TLE1: variants seen among roughly 807,000 people sequenced by gnomAD.
TLE1 encodes TLE family member 1, transcriptional corepressor.
A neutral mutation model predicts 89.8 loss-of-function variants in TLE1; 21 were observed. The observed-to-expected ratio is 0.23, with a 90% CI of 0.17 to 0.34. The LOEUF is 0.34. Ranked by LOEUF, TLE1 falls within the 10% of genes least tolerant of loss-of-function variation. The pLI, the probability that TLE1 is intolerant of heterozygous loss-of-function variation, is 1.00. For synonymous variants in TLE1, 447 were observed against 407.6 expected (o/e 1.10, Z -1.16); for missense variants, 795 against 1,031.2 (o/e 0.77, Z 3.14).
At position 81,653,847 on chromosome 9, in the gene TLE1, A is replaced by C. The variant is rs1278932982; in HGVS notation, c.297+127T>G. The C allele has an allele frequency of 3.8e-6, 3 of 797,450 alleles. No individual in the cohort carries two copies. In the African/African-American group the frequency reaches 5.1e-5, roughly 14 times the overall value. 49.4% of individuals were successfully genotyped at this position (797,450 alleles called of 1,614,324 possible). Reference sequence around the variant, plus strand: ...TTGGATAGACTAGCAGGGGGTTTACACACTTCAGCTGTAACAGATGTTCTT... The same window carrying C: ...TTGGATAGACTAGCAGGGGGTTTACCCACTTCAGCTGTAACAGATGTTCTT... On this transcript the variant is annotated intron_variant, in intron 5 of 19. Transcript: ENST00000376499.
chr9:81,671,800 T>C (rs186684113), intron 4 of TLE1, among the ~76,000 whole-genome samples: 202 of 152,326 alleles, frequency 1.3e-3, no homozygotes, highest in African/African-American at 4.2e-3. Flanking sequence ...AAGATTCAAA[T>C]GTCAGCAGTT....
chr9:81,630,846 A>C lies in TLE1; in HGVS notation c.594+2502T>G, dbSNP rs908909192. Among the ~76,000 whole-genome samples, 4 of 152,328 alleles carry C rather than the reference A, an allele frequency of 2.6e-5. 1 individual carries two copies. The highest frequency in any genetic ancestry group is 9.6e-5 in the African/African-American group (4 of 41,578). ...ATACTCATTTTTATACAAAGTTTGA[A>C]GAGCTACTTAATTTTATGTAACTGT... On this transcript the variant is annotated intron_variant, in intron 8 of 19. Transcript: ENST00000376499.
chr9:81,593,141 C>T lies in TLE1; in HGVS notation c.1465G>A (p.Ala489Thr), dbSNP rs1423737388. The T allele has an allele frequency of 1.9e-6, 3 of 1,614,034 alleles. No individual in the cohort carries two copies. Among genetic ancestry groups the T allele is most frequent in the Non-Finnish European group, 1.7e-6 (2 of 1,180,036 alleles). Reference protein sequence around the residue: ...NTLNHGEVVCAVTISNPTRHV... With the variant: ...NTLNHGEVVCTVTISNPTRHV... The stretch of plus-strand genomic sequence containing the variant: ...CTCGTGGGGTTGCTGATGGTCACAG[C>T]GCACACCACCTCCCCGTGGTTGAGG... Residue 489 changes from alanine (A) to threonine (T), a missense_variant, in exon 15 of 20, where the codon GCT (alanine) becomes ACT (threonine). Transcript: ENST00000376499.
chr9:81,589,089 T>C (rs1397839805), intron 16 of TLE1, among the ~76,000 whole-genome samples: 1 of 152,188 alleles, frequency 6.6e-6, no homozygotes. Flanking sequence ...CTCCAATGTT[T>C]CCGCTTGCTT....
chr9:81,660,983 AGCCTGGCGTGGTGGCACGT>A (rs1273347254), intron 4 of TLE1, among the ~76,000 whole-genome samples: 1 of 142,266 alleles, frequency 7.0e-6, no homozygotes, highest in Non-Finnish European at 1.5e-5. Context: ...ACACACATTT[AGCCTGGCGTGGTGGCACGT>A]GCCTGTAGTT....
Position 81,658,809 on chromosome 9 carries a change from A to G in TLE1, c.235-4773T>C, listed in dbSNP as rs1452926268. ...CAAACTGGCAATAATTCTTAGTATT[A>G]TCTCTTGCTTCAACAAAAGGGTATT... On this transcript the variant is annotated intron_variant, in intron 4 of 19. Coordinates refer to ENST00000376499, the MANE Select transcript of TLE1 (RefSeq NM_005077.5). 3.9e-5 allele frequency among the ~76,000 whole-genome samples: 6 copies of G among 152,366 alleles called. No homozygotes were observed. The South Asian group carries it at 1.0e-3, about 26-fold the overall frequency.
At chr9:81,645,154 G>A (rs1343651271) in intron 6 of TLE1, among the ~76,000 whole-genome samples, 1 of 151,890 alleles carries the variant, frequency 6.6e-6, no homozygotes, top group Non-Finnish European at 1.5e-5. Flanking sequence ...GAGGTCAGGA[G>A]TTCCAGACCA....
chr9:81,627,551 C>T (rs1826054786), intron 8 of TLE1, among the ~76,000 whole-genome samples: 2 of 152,228 alleles, frequency 1.3e-5, no homozygotes, highest in African/African-American at 4.8e-5. Context: ...CAAAGAAGAA[C>T]CATTTTTTTA....
At chr9:81,641,635 T>G (rs1828133074) in intron 6 of TLE1, among the ~76,000 whole-genome samples, 2 of 152,204 alleles carry the variant, frequency 1.3e-5, no homozygotes, top group Admixed American at 1.3e-4. Flanking sequence ...TGAACAGACA[T>G]TTCTCAAAGA....
At chr9:81,594,926 A>G (rs762176197) in intron 14 of TLE1, among the ~76,000 whole-genome samples, 1 of 152,220 alleles carries the variant, frequency 6.6e-6, no homozygotes, top group Non-Finnish European at 1.5e-5. Flanking sequence ...TAAAAGCAAA[A>G]TATCAGACAC....
intron 4 of TLE1, among the ~76,000 whole-genome samples, chr9:81,660,934 A>C (rs1340912622): frequency 2.3e-5 from 2 of 88,848 alleles, no homozygotes; most frequent in Non-Finnish European, 4.4e-5. Context: ...ATCCCTACTA[A>C]ACACACACAC....
chr9:81,596,716 G>A (rs534828233), intron 14 of TLE1, among the ~76,000 whole-genome samples: 38 of 152,214 alleles, frequency 2.5e-4, no homozygotes, highest in Non-Finnish European at 4.7e-4. Context: ...CTAGAATTTC[G>A]AACACAGGCA....
intron 9 of TLE1, among the ~76,000 whole-genome samples, chr9:81,617,502 G>T (rs1210268776): frequency 6.6e-6 from 1 of 151,888 alleles, no homozygotes; most frequent in Non-Finnish European, 1.5e-5. Flanking sequence ...AGGAGTTCAA[G>T]ACCAGCCTGG....
chr9:81,587,615 T>A, intron 17 of TLE1, 66 bp downstream of exon 17: 1 of 1,516,902 alleles, frequency 6.6e-7, no homozygotes, highest in Non-Finnish European at 8.8e-7. Context: ...GAGGGAGGGT[T>A]GTGAGGAGGA....
intron 9 of TLE1, among the ~76,000 whole-genome samples, chr9:81,617,133 C>CAAAAAAAAAAAAAAAAAAAA (rs56692367): frequency 8.1e-6 from 1 of 124,190 alleles, no homozygotes; most frequent in Non-Finnish European, 1.8e-5. Flanking sequence ...CTAGTTAATG[C>CAAAAAAAAAAAAAAAAAAAA]AAAAAAAAAA....
chr9:81,656,689 CAT>C (rs1299492980), intron 4 of TLE1, among the ~76,000 whole-genome samples: 8 of 152,212 alleles, frequency 5.3e-5, no homozygotes, highest in Admixed American at 1.3e-4. Context: ...GTTAATCAAA[CAT>C]GTGTCAGGGA....
At chr9:81,610,403 G>A (rs1349764725) in intron 13 of TLE1, 107 bp from the exon 14 acceptor site, 1 of 814,420 alleles carries the variant, frequency 1.2e-6, no homozygotes, top group Admixed American at 2.3e-5. Context: ...CAACATAAAT[G>A]GGAACAGTAA....
At position 81,660,145 on chromosome 9, in the gene TLE1, CGACTCCTACTAAATACT is replaced by C. The variant is rs1355081277; in HGVS notation, c.235-6126_235-6110del. 2.0e-5 allele frequency among the ~76,000 whole-genome samples: 3 copies of C among 152,166 alleles called. No homozygotes were observed. The East Asian group carries it at 5.8e-4, about 30-fold the overall frequency. The stretch of plus-strand genomic sequence containing the variant: ...CAAGATGGGAAGCATTACGAGAACA[CGACTCCTACTAAATACT>C]GTGACACATTTCTTTGCCGTACCTC... On this transcript the variant is annotated intron_variant, in intron 4 of 19. Transcript: ENST00000376499.
intron 4 of TLE1, among the ~76,000 whole-genome samples, chr9:81,680,443 G>A (rs969695221): frequency 6.6e-6 from 1 of 152,180 alleles, no homozygotes; most frequent in African/African-American, 2.4e-5. Context: ...TGGACATGTT[G>A]TTCCTTGAAG....
Sources: allele counts gnomAD v4.1 joint callset (sites outside exome capture counted in the v4.1 genomes callset), GRCh38; gene constraint gnomAD v4.1.1; transcripts MANE v1.5; gene names NCBI Gene and HGNC (gene_info 2026-07-23, HGNC 2026-07-21).